MUC13: variants seen among roughly 807,000 people sequenced by gnomAD.
MUC13 encodes the protein mucin 13, cell surface associated.
MUC13 carries 32 observed loss-of-function variants against 48.3 expected under a neutral mutation model. That is an observed-to-expected ratio of 0.66 (90% CI 0.50 to 0.89). The LOEUF is 0.89. Among genes scored for constraint, MUC13 ranks in the 40% least tolerant of loss-of-function variants. The pLI is 0.00. For missense variants in MUC13, 571 were observed against 622.8 expected, an observed-to-expected ratio of 0.92 and a Z score of 0.88; for synonymous variants, 199 against 224.9, an observed-to-expected ratio of 0.88 and a Z score of 1.03.
Position 124,913,175 on chromosome 3 carries a change from C to T in MUC13, c.1150G>A (p.Gly384Ser). 2 of 1,614,136 alleles carry T rather than the reference C, an allele frequency of 1.2e-6. No individual in the cohort carries two copies. The highest frequency in any genetic ancestry group is 8.5e-7 in the Non-Finnish European group (1 of 1,180,028). Residue 384 changes from glycine (G) to serine (S), a missense_variant, in exon 8 of 12, where the codon GGT becomes AGT. By Grantham distance (56) the Gly-to-Ser change is moderately conservative. Transcript: ENST00000616727. Reference sequence around the variant, plus strand: ...ACGCACGCACACTCAGGGGCCCCACCACTCTTCTTTATTAAGCATTGCTTG... The same window carrying T: ...ACGCACGCACACTCAGGGGCCCCACTACTCTTCTTTATTAAGCATTGCTTG... ...QHKQCLIKKS[G>S]GAPECACVPG... is the part of the protein sequence containing the mutation.
At chr3:124,927,275 T>TA (rs1363046097) in intron 2 of MUC13, among the ~76,000 whole-genome samples, 9 of 151,814 alleles carry the variant, frequency 5.9e-5, no homozygotes, top group East Asian at 3.9e-4. Context: ...CCAAGTTCAT[T>TA]AAAAAAAATA....
intron 10 of MUC13, 39 bp downstream of exon 10, chr3:124,910,375 TA>T (rs34208404): frequency 0.32 from 422,416 of 1,302,498 alleles, 28,356 homozygotes; most frequent in Middle Eastern, 0.37. Context: ...CATCTCTCTA[TA>T]AAAAAAAAAA....
intron 9 of MUC13, among the ~76,000 whole-genome samples, chr3:124,910,807 T>C (rs1048694102): frequency 6.6e-6 from 1 of 152,198 alleles, no homozygotes; most frequent in Non-Finnish European, 1.5e-5. Context: ...GGGCCACACC[T>C]CCCTCCTTAC....
At chr3:124,919,286 G>C (rs145897038) in intron 5 of MUC13, among the ~76,000 whole-genome samples, 4,305 of 142,280 alleles carry the variant, frequency 0.03, 98 homozygotes, top group South Asian at 0.047. Flanking sequence ...GCAGTGAGCT[G>C]ATATCACACC....
intron 11 of MUC13, among the ~76,000 whole-genome samples, 168 bp downstream of exon 11, chr3:124,907,979 G>C (rs1181851132): frequency 6.6e-6 from 1 of 152,078 alleles, no homozygotes; most frequent in Non-Finnish European, 1.5e-5. Flanking sequence ...TCAGAGTTAC[G>C]ACAGCAGGGA....
chr3:124,907,573 G>A (rs1446213931), intron 11 of MUC13, among the ~76,000 whole-genome samples: 5 of 151,986 alleles, frequency 3.3e-5, no homozygotes, highest in South Asian at 2.1e-4. Context: ...AGCCAAGATC[G>A]TACCACTGGA....
chr3:124,920,430 C>A, intron 4 of MUC13, 141 bp from the exon 5 acceptor site: 1 of 658,516 alleles, frequency 1.5e-6, no homozygotes, highest in Non-Finnish European at 2.6e-6. Flanking sequence ...CCCTGGGAGA[C>A]TTCTTAGGGT....
intron 10 of MUC13, 56 bp from the exon 11 acceptor site, chr3:124,908,404 A>G (rs758614323): frequency 2.9e-5 from 37 of 1,292,556 alleles, no homozygotes; most frequent in Non-Finnish European, 3.9e-5. Flanking sequence ...TCTTGAAGTA[A>G]ATGTTAATGT....
chr3:124,931,011 C>T (rs1016383405), intron 1 of MUC13, among the ~76,000 whole-genome samples: 2 of 152,094 alleles, frequency 1.3e-5, no homozygotes, highest in Non-Finnish European at 2.9e-5. Context: ...TGAGGAGGAA[C>T]GTAAAGGTGT....
At chr3:124,919,793 C>G (rs903191068) in intron 5 of MUC13, among the ~76,000 whole-genome samples, 1 of 152,190 alleles carries the variant, frequency 6.6e-6, no homozygotes, top group African/African-American at 2.4e-5. Flanking sequence ...TGACCCTTCT[C>G]TAGCCAGGAG....
Position 124,931,773 on chromosome 3 carries a change from G to A in MUC13, c.52+2888C>T, listed in dbSNP as rs192157244. On this transcript the variant is annotated intron_variant, in intron 1 of 11. Coordinates refer to ENST00000616727, the MANE Select transcript of MUC13 (RefSeq NM_033049.4). ...CAAAAAGTAATATAAGGCCAGGCGC[G>A]GTGGCTCACGCCTGTAATCCCAGAA... Among the ~76,000 whole-genome samples, 20 of 150,470 alleles carry A rather than the reference G, an allele frequency of 1.3e-4. No individual in the cohort carries two copies. In the East Asian group the frequency reaches 2.0e-3, roughly 15 times the overall value.
At chr3:124,934,278 C>G (rs1011629704) in intron 1 of MUC13, among the ~76,000 whole-genome samples, 1 of 152,208 alleles carries the variant, frequency 6.6e-6, no homozygotes, top group Non-Finnish European at 1.5e-5. Context: ...CTGCCTCAGC[C>G]TCCTGAGTAG....
Position 124,916,300 on chromosome 3 carries a change from A to G in MUC13, c.964+17T>C, listed in dbSNP as rs944269060. 3 of 1,597,036 alleles carry G rather than the reference A, an allele frequency of 1.9e-6. No individual in the cohort carries two copies. The highest frequency in any genetic ancestry group is 2.6e-6 in the Non-Finnish European group (3 of 1,170,746). Reference sequence around the variant, plus strand: ...AGGTCTTCAGGTGAACTTTGAATAAAATTATACAATACTTACAATCATAGT... The same window carrying G: ...AGGTCTTCAGGTGAACTTTGAATAAGATTATACAATACTTACAATCATAGT... On this transcript the variant is annotated intron_variant, in intron 6 of 11. Transcript: ENST00000616727.
intron 2 of MUC13, among the ~76,000 whole-genome samples, chr3:124,926,825 A>C (rs1259122180): frequency 6.6e-6 from 1 of 152,140 alleles, no homozygotes; most frequent in African/African-American, 2.4e-5. Context: ...TACAACAGAG[A>C]CCCCACATGG....
At chr3:124,925,980 T>C (rs1935678818) in intron 2 of MUC13, among the ~76,000 whole-genome samples, 1 of 152,150 alleles carries the variant, frequency 6.6e-6, no homozygotes, top group Non-Finnish European at 1.5e-5. Flanking sequence ...CATAGTTCAG[T>C]ATCTTATAAA....
chr3:124,929,861 T>G (rs9882808), intron 1 of MUC13, among the ~76,000 whole-genome samples: 1 of 152,104 alleles, frequency 6.6e-6, no homozygotes, highest in Non-Finnish European at 1.5e-5. Context: ...ATCCATTTAA[T>G]GAAAAAGCCA....
Position 124,906,483 on chromosome 3 carries a change from T to G in MUC13, c.*260A>C, listed in dbSNP as rs944761649. The G allele has an allele frequency of 1.3e-5, 2 of 152,224 alleles. No homozygotes were observed. Among genetic ancestry groups the G allele is most frequent in the Non-Finnish European group, 2.9e-5 (2 of 68,030 alleles). The allele number at this position is 152,224 out of a possible 1,614,324, so 9.4% of individuals were successfully genotyped here. A position where few individuals can be genotyped will look rare whatever the true frequency, so the allele number is the denominator to read the frequency against. On this transcript the variant is annotated 3_prime_UTR_variant, in exon 12 of 12. Coordinates refer to ENST00000616727, the MANE Select transcript of MUC13 (RefSeq NM_033049.4). ...CCATTGTCTCAGTACTTTGTACTGA[T>G]TGAAGAAAACCACCTCTCTGACAAG...
chr3:124,912,996 C>T, intron 8 of MUC13, 115 bp downstream of exon 8: 2 of 1,142,790 alleles, frequency 1.8e-6, no homozygotes, highest in Non-Finnish European at 2.4e-6. Context: ...CTGTCTCTAC[C>T]AACCTATGAC....
intron 5 of MUC13, among the ~76,000 whole-genome samples, chr3:124,918,829 T>C (rs1935546577): frequency 1.3e-5 from 2 of 152,150 alleles, no homozygotes; most frequent in African/African-American, 4.8e-5. Context: ...CCAGCAGCTG[T>C]CCGCTGTACA....
Sources: allele counts gnomAD v4.1 joint callset (sites outside exome capture counted in the v4.1 genomes callset), GRCh38; gene constraint gnomAD v4.1.1; transcripts MANE v1.5; gene names NCBI Gene and HGNC (gene_info 2026-07-23, HGNC 2026-07-21).